The following ACTL6A variants were observed in gnomAD, a reference collection of about 807,000 sequenced individuals.
The protein encoded by ACTL6A is actin like 6A, also known as actin-like protein 6A.
ACTL6A carries 5 observed loss-of-function variants against 59.2 expected under a neutral mutation model. That is an observed-to-expected ratio of 0.08 (90% CI 0.04 to 0.18). The LOEUF is 0.18. ACTL6A is among the 10% of genes least tolerant of loss of function. The probability of loss-of-function intolerance (pLI) is 1.00; values close to 1 mark genes in which losing one functional copy is unlikely to be tolerated. For missense variants in ACTL6A, 285 were observed against 526.9 expected, an observed-to-expected ratio of 0.54 and a Z score of 4.49; for synonymous variants, 154 against 171.8, an observed-to-expected ratio of 0.90 and a Z score of 0.81.
At chr3:179,580,738 A>C (rs776204150) in intron 9 of ACTL6A, 37 bp downstream of exon 9, 1 of 1,477,378 alleles carries the variant, frequency 6.8e-7, no homozygotes, top group Admixed American at 2.1e-5. Context: ...TTTATAAATG[A>C]GGAAAGGATT....
intron 9 of ACTL6A, 23 bp from the exon 10 acceptor site, chr3:179,580,871 A>G (rs1469544528): frequency 3.2e-6 from 5 of 1,561,026 alleles, no homozygotes; most frequent in Non-Finnish European, 4.3e-6. Flanking sequence ...TCTTTTGTGT[A>G]ATACGGTTTA....
chr3:179,569,075 G>A (rs181519353), intron 1 of ACTL6A, among the ~76,000 whole-genome samples: 19 of 152,254 alleles, frequency 1.2e-4, no homozygotes, highest in Admixed American at 6.5e-4. Context: ...GCCCATAGTG[G>A]TTGTCCCACT....
chr3:179,584,864 C>T (rs1043064669), intron 12 of ACTL6A, among the ~76,000 whole-genome samples: 3 of 152,014 alleles, frequency 2.0e-5, no homozygotes, highest in African/African-American at 7.2e-5. Context: ...ATTTAAAAAA[C>T]CTTATTAGTG....
intron 11 of ACTL6A, among the ~76,000 whole-genome samples, chr3:179,581,728 C>T (rs2064367313): frequency 6.6e-6 from 1 of 152,166 alleles, no homozygotes; most frequent in Non-Finnish European, 1.5e-5. Flanking sequence ...AAATGCTCTT[C>T]ATATTTTTTG....
At chr3:179,578,578 C>T (rs770674260) in intron 8 of ACTL6A, among the ~76,000 whole-genome samples, 11 of 151,938 alleles carry the variant, frequency 7.2e-5, no homozygotes, top group Admixed American at 2.0e-4. Context: ...GTGATTGTAC[C>T]AGTGCCTTCT....
At chr3:179,565,579 T>C (rs530991636) in intron 1 of ACTL6A, among the ~76,000 whole-genome samples, 1 of 149,412 alleles carries the variant, frequency 6.7e-6, no homozygotes, top group Admixed American at 6.8e-5. Flanking sequence ...TCAAGGGACT[T>C]TACAATAGAG....
At chr3:179,563,193 C>T (rs564280008) in intron 1 of ACTL6A, 76 bp downstream of exon 1, 3 of 1,538,376 alleles carry the variant, frequency 2.0e-6, no homozygotes, top group South Asian at 2.4e-5. Flanking sequence ...CCAGCCCTCC[C>T]CTCCCCGGCG....
chr3:179,576,944 G>A lies in ACTL6A; in HGVS notation c.768+31G>A. ...TAACCCTCATTCTCTTTACAAAAAT[G>A]TTACAGGCTTTTTGCATGAGTATTA... On this transcript the variant is annotated intron_variant, in intron 8 of 13. Transcript: ENST00000429709. 2.6e-6 allele frequency: 4 copies of A among 1,568,060 alleles called. No homozygotes were observed. In the South Asian group the frequency reaches 3.5e-5, roughly 14 times the overall value.
In ACTL6A at chr3:179,581,217, A is replaced by G; in HGVS notation, c.1023A>G (p.Arg341=). The change falls in exon 11 of 14, where the codon AGA becomes AGG. Residue 341 remains arginine (R), a synonymous_variant. Coordinates refer to ENST00000429709, the MANE Select transcript of ACTL6A (RefSeq NM_004301.5). The stretch of plus-strand genomic sequence containing the variant: ...TTGGGATGTGTGATATTGACATCAG[A>G]CCAGTAAGTGCCAGTCTCCTGTTAC... The part of the protein sequence containing the change: ...TSVGMCDIDI[R]PGLYGSVIVA... 1 of 1,611,538 alleles carries G rather than the reference A, an allele frequency of 6.2e-7. No homozygotes were observed. Among genetic ancestry groups the G allele is most frequent in the Non-Finnish European group, 8.5e-7 (1 of 1,177,668 alleles).
chr3:179,574,258 A>T (rs1718101223), intron 4 of ACTL6A, 112 bp from the exon 5 acceptor site: 2 of 565,324 alleles, frequency 3.5e-6, no homozygotes, highest in African/African-American at 1.9e-5. Context: ...ATGGTATTTT[A>T]TTCTGTTCTT....
In ACTL6A at chr3:179,576,297, A is replaced by G. The variant is rs770077344; in HGVS notation, c.557A>G (p.Tyr186Cys). 33 of 1,600,428 alleles carry G rather than the reference A, an allele frequency of 2.1e-5. No individual in the cohort carries two copies. Among genetic ancestry groups the G allele is most frequent in the Non-Finnish European group, 2.3e-5 (27 of 1,176,136 alleles). The change falls in exon 6 of 14, where the codon TAT becomes TGT. Residue 186 changes from tyrosine (Y) to cysteine (C), a missense_variant. Tyr to Cys is a radical substitution (Grantham distance 194). Transcript: ENST00000429709. ...ACTGCAATTCCAGTCCACGATGGCT[A>G]TGTCCTTCAACAAGGTAAATGTATT... ...HTTAIPVHDG[Y>C]VLQQGIVKSP...
At chr3:179,584,061 T>C (rs1349692217) in intron 12 of ACTL6A, among the ~76,000 whole-genome samples, 2 of 152,156 alleles carry the variant, frequency 1.3e-5, no homozygotes, top group African/African-American at 4.8e-5. Context: ...ACAAAGTACA[T>C]GTTAGTGGCT....
chr3:179,586,489 A>AAAAT, intron 12 of ACTL6A, 57 bp from the exon 13 acceptor site: 1 of 1,221,278 alleles, frequency 8.2e-7, no homozygotes, highest in South Asian at 1.6e-5. Flanking sequence ...AAAAAAAAGA[A>AAAAT]TTTTCTAAGT....
chr3:179,578,630 A>G (rs1384042495), intron 8 of ACTL6A, among the ~76,000 whole-genome samples: 2 of 152,176 alleles, frequency 1.3e-5, no homozygotes, highest in East Asian at 1.9e-4. Flanking sequence ...AAAAGAAAAA[A>G]AAACAAATGG....
At position 179,586,602 on chromosome 3, in the gene ACTL6A, A is replaced by G; in HGVS notation, c.1179A>G (p.Ser393=). The G allele has an allele frequency of 6.2e-7, 1 of 1,600,916 alleles. No homozygotes were observed. Among genetic ancestry groups the G allele is most frequent in the Non-Finnish European group, 8.5e-7 (1 of 1,176,296 alleles). ...NNTTVERRFS[S]WIGGSILASL... is the part of the protein sequence containing the mutation. The stretch of plus-strand genomic sequence containing the variant: ...CAACAGTGGAACGGAGGTTTAGCTC[A>G]TGGATTGGCGGCTCCATTCTAGCCT... Residue 393 remains serine (S), a synonymous_variant, in exon 13 of 14, where the codon TCA becomes TCG. Coordinates refer to ENST00000429709, the MANE Select transcript of ACTL6A (RefSeq NM_004301.5).
intron 5 of ACTL6A, among the ~76,000 whole-genome samples, chr3:179,576,009 T>C (rs1718156336): frequency 6.6e-6 from 1 of 152,226 alleles, no homozygotes; most frequent in African/African-American, 2.4e-5. Flanking sequence ...GATACCTCCA[T>C]TCTGGAATTC....
At chr3:179,574,570 GT>G in intron 5 of ACTL6A, 103 bp downstream of exon 5, 1 of 881,146 alleles carries the variant, frequency 1.1e-6, no homozygotes, top group African/African-American at 1.7e-5. Flanking sequence ...TTGTTCCGAA[GT>G]TGTTTTTTTC....
At position 179,570,285 on chromosome 3, in the gene ACTL6A, T is replaced by C; in HGVS notation, c.277+44T>C. On this transcript the variant is annotated intron_variant, in intron 3 of 13. Transcript: ENST00000429709. This position sits in a 1 kb window ranked among gnomAD's most constrained non-coding sequence, Gnocchi z 4.3. ...GGAATTGATTATGGAGTGTACATGT[T>C]ATATTTTAGATACAAAGTAGTAGCT... 6.7e-7 allele frequency: 1 copy of C among 1,497,486 alleles called. No homozygotes were observed. The allele number at this position is 1,497,486 out of a possible 1,614,324, so 92.8% of individuals were successfully genotyped here.
chr3:179,566,845 A>T (rs1240799929), intron 1 of ACTL6A, among the ~76,000 whole-genome samples: 1 of 152,086 alleles, frequency 6.6e-6, no homozygotes, highest in African/African-American at 2.4e-5. Context: ...GCATACGGCC[A>T]CGCCCGGCTA....
Sources: gnomAD v4.1 joint callset for allele counts (sites outside exome capture counted in the v4.1 genomes callset) on GRCh38, gnomAD v4.1.1 for gene constraint, Gnocchi (gnomAD v3.1) non-coding constraint, MANE v1.5 for transcripts, NCBI Gene and HGNC (gene_info 2026-07-23, HGNC 2026-07-21) for gene names.